The following DAP3 variants were observed in gnomAD, a reference collection of about 807,000 sequenced individuals.
DAP3 encodes death associated protein 3, also known as small ribosomal subunit protein mS29.
In DAP3, 28 loss-of-function variants were observed where a neutral mutation model predicts 51.9. The ratio of observed to expected loss-of-function variants is 0.54; its 90% CI spans 0.40 to 0.74. The LOEUF is 0.74. Ranked by LOEUF, DAP3 falls within the 30% of genes least tolerant of loss-of-function variation. The probability of loss-of-function intolerance (pLI) is 0.00; values close to 1 mark genes in which losing one functional copy is unlikely to be tolerated. For missense variants in DAP3, 458 were observed against 483.5 expected (o/e 0.95, Z 0.49); for synonymous variants, 170 against 170.3 (o/e 1.00, Z 0.01).
At chr1:155,706,134 C>T (rs746261695) in intron 1 of DAP3, among the ~76,000 whole-genome samples, 1 of 152,068 alleles carries the variant, frequency 6.6e-6, no homozygotes, top group Non-Finnish European at 1.5e-5. Flanking sequence ...TAAGTAGCTA[C>T]GACTACAGTC....
intron 4 of DAP3, among the ~76,000 whole-genome samples, chr1:155,723,176 C>T (rs1658189568): frequency 6.6e-6 from 1 of 151,878 alleles, no homozygotes; most frequent in Non-Finnish European, 1.5e-5. Context: ...ATTATAGAGA[C>T]AGGGTCTCAC....
chr1:155,700,809 C>T (rs1194280342), intron 1 of DAP3, among the ~76,000 whole-genome samples: 4 of 124,682 alleles, frequency 3.2e-5, no homozygotes, highest in African/African-American at 9.4e-5. Flanking sequence ...TCTGCCCGGC[C>T]GCCCCTACTG....
At position 155,721,569 on chromosome 1, in the gene DAP3, A is replaced by T; in HGVS notation, c.221A>T (p.Asp74Val). The T allele has an allele frequency of 6.2e-7, 1 of 1,614,014 alleles. No individual in the cohort carries two copies. Among genetic ancestry groups the T allele is most frequent in the Non-Finnish European group, 8.5e-7 (1 of 1,180,006 alleles). ...EGQHYNISPQ[D>V]LETVFPHGLP... ...CAGCACTACAACATCTCCCCCCAGG[A>T]TTTGGAGACTGTATTTCCCCATGGC... Residue 74 changes from aspartate (D) to valine (V), a missense_variant, in exon 4 of 13, where the codon GAT becomes GTT. Asp to Val is a radical substitution (Grantham distance 152, BLOSUM62 -3). Coordinates refer to ENST00000368336, the MANE Select transcript of DAP3 (RefSeq NM_004632.4).
At chr1:155,688,639 G>A (rs2149090240), upstream of DAP3, 2 of 1,534,468 alleles carry the variant, frequency 1.3e-6, no homozygotes, top group South Asian at 1.2e-5. Context: ...GCCGGCTCCA[G>A]CGCAGGCCCT....
chr1:155,705,618 G>C (rs190845707), intron 1 of DAP3, among the ~76,000 whole-genome samples: 2 of 136,382 alleles, frequency 1.5e-5, no homozygotes, highest in African/African-American at 5.4e-5. Context: ...AAAAAAGAAA[G>C]AAAAAAAAAA....
At chr1:155,700,399 C>T (rs1279753342) in intron 1 of DAP3, among the ~76,000 whole-genome samples, 1 of 152,222 alleles carries the variant, frequency 6.6e-6, no homozygotes, top group Non-Finnish European at 1.5e-5. Flanking sequence ...AAATTCAATT[C>T]TCCATTTTTA....
chr1:155,719,197 G>T (rs1049357170), intron 3 of DAP3, among the ~76,000 whole-genome samples: 1 of 151,170 alleles, frequency 6.6e-6, no homozygotes, highest in African/African-American at 2.4e-5. Context: ...TTCTAGACTA[G>T]CCTAGGCAAC....
Position 155,736,930 on chromosome 1 carries a change from C to A in DAP3, c.994-16C>A. ...TTCCTTAACTAACATGTTTCCTGATCCTTTTTCTTCCCCAGGAAGGATTTG... is the reference window on the plus strand; with the variant it reads ...TTCCTTAACTAACATGTTTCCTGATACTTTTTCTTCCCCAGGAAGGATTTG... On this transcript the variant is annotated splice_polypyrimidine_tract_variant and intron_variant, in intron 11 of 12. Coordinates refer to ENST00000368336, the MANE Select transcript of DAP3 (RefSeq NM_004632.4). The A allele has an allele frequency of 6.3e-7, 1 of 1,586,154 alleles. No individual in the cohort carries two copies. The highest frequency in any genetic ancestry group is 1.7e-4 in the Middle Eastern group (1 of 5,794).
At chr1:155,721,263 C>T (rs553616569) in intron 3 of DAP3, among the ~76,000 whole-genome samples, 24 of 151,688 alleles carry the variant, frequency 1.6e-4, no homozygotes, top group African/African-American at 5.1e-4. Flanking sequence ...ACCCAGGAGG[C>T]GGAGGTTGCA....
At chr1:155,719,545 TTC>T (rs889389968) in intron 3 of DAP3, among the ~76,000 whole-genome samples, 18 of 150,070 alleles carry the variant, frequency 1.2e-4, no homozygotes, top group African/African-American at 4.2e-4. Flanking sequence ...CAAAAAAATT[TTC>T]TTTTTCTTTT....
rs1249707909 is a variant in DAP3 at position 155,691,261 on chromosome 1, A to G, written c.-8+2087A>G. On this transcript the variant is annotated intron_variant, in intron 1 of 12. Coordinates refer to ENST00000368336, the MANE Select transcript of DAP3 (RefSeq NM_004632.4). ...TCACCCCCAAAAGAATCTTATCAGT[A>G]AGTTGCTTTCCATTCCTCCCTCCCA... Among the ~76,000 whole-genome samples, 2 of 141,792 alleles carry G rather than the reference A, an allele frequency of 1.4e-5. 1 individual carries two copies. Among genetic ancestry groups the G allele is most frequent in the African/African-American group, 6.4e-5 (2 of 31,272 alleles). 93.0% of individuals were successfully genotyped at this position (141,792 alleles called of 152,430 possible).
intron 1 of DAP3, among the ~76,000 whole-genome samples, chr1:155,705,434 C>G: frequency 7.2e-6 from 1 of 139,808 alleles, no homozygotes; most frequent in South Asian, 2.3e-4. Context: ...TATGTCTACC[C>G]AAAAAAAAAA....
intron 1 of DAP3, among the ~76,000 whole-genome samples, chr1:155,706,869 G>C (rs1656054512): frequency 6.6e-6 from 1 of 151,972 alleles, no homozygotes; most frequent in Non-Finnish European, 1.5e-5. Flanking sequence ...TAGGCAGGTG[G>C]ATCACCTGAG....
intron 11 of DAP3, among the ~76,000 whole-genome samples, chr1:155,735,108 GAAAAAAAAAA>G (rs1344051039): frequency 3.0e-5 from 2 of 67,570 alleles, no homozygotes; most frequent in Non-Finnish European, 5.8e-5. Flanking sequence ...ACCAAAAAAT[GAAAAAAAAAA>G]AAAAAGAAAA....
chr1:155,737,641 C>T (rs747296059), intron 12 of DAP3, among the ~76,000 whole-genome samples: 3 of 151,884 alleles, frequency 2.0e-5, no homozygotes, highest in Non-Finnish European at 2.9e-5. Flanking sequence ...TAATAGTAAT[C>T]GGAGGCCTGG....
At chr1:155,727,252 A>G (rs1329546753) in intron 6 of DAP3, among the ~76,000 whole-genome samples, 1 of 152,136 alleles carries the variant, frequency 6.6e-6, no homozygotes, top group Admixed American at 6.6e-5. Context: ...CCTGCCAGAA[A>G]GCAGAAGTGA....
chr1:155,704,275 C>T (rs895061840), intron 1 of DAP3, among the ~76,000 whole-genome samples: 4 of 152,192 alleles, frequency 2.6e-5, no homozygotes, highest in Non-Finnish European at 4.4e-5. Flanking sequence ...TGTCCTAGAA[C>T]GGAAGCTGAT....
chr1:155,721,661 A>C, intron 4 of DAP3, 43 bp downstream of exon 4: 4 of 1,593,038 alleles, frequency 2.5e-6, no homozygotes, highest in Non-Finnish European at 3.4e-6. Context: ...CCCAGAATAC[A>C]AGCTGCTGCT....
intron 2 of DAP3, among the ~76,000 whole-genome samples, chr1:155,714,604 A>C (rs1377006826): frequency 1.3e-5 from 2 of 151,968 alleles, no homozygotes; most frequent in African/African-American, 4.8e-5. Flanking sequence ...GTCTCCACTA[A>C]AAATACAAAA....
Sources: gnomAD v4.1 joint callset for allele counts (sites outside exome capture counted in the v4.1 genomes callset) on GRCh38, gnomAD v4.1.1 for gene constraint, MANE v1.5 for transcripts, NCBI Gene and HGNC (gene_info 2026-07-23, HGNC 2026-07-21) for gene names.